Variants in PGAP2 observed in about 807,000 individuals in gnomAD.
PGAP2 encodes the protein acyltransferase PGAP2.
PGAP2 carries 21 observed loss-of-function variants against 33.2 expected under a neutral mutation model. The observed-to-expected ratio is 0.63, with a 90% CI of 0.45 to 0.91. PGAP2 has a LOEUF of 0.91. Ranked by LOEUF, PGAP2 falls within the 40% of genes least tolerant of loss-of-function variation. PGAP2 has a pLI of 0.00. For missense variants in PGAP2, 345 were observed against 424.0 expected (o/e 0.81, Z 1.64); for synonymous variants, 161 against 172.9 (o/e 0.93, Z 0.54).
At position 3,817,367 on chromosome 11, in the gene PGAP2, G is replaced by C; in HGVS notation, c.180G>C (p.Arg60Ser). ...GTGCTGCTTAGGCCACGCCCTGCAG[G>C]ATGTTCTCTGCGGCCTCCCAGCCTT... Reference protein sequence around the residue: ...TATHCGATPCRMFSAASQPLD... With the variant: ...TATHCGATPCSMFSAASQPLD... Residue 60 changes from arginine to serine, a missense_variant, in exon 3 of 7, where the codon AGG becomes AGC. Arg to Ser is a moderately radical substitution (Grantham distance 110). Coordinates refer to ENST00000278243, the MANE Select transcript of PGAP2 (RefSeq NM_014489.4). The C allele has an allele frequency of 6.2e-7, 1 of 1,613,324 alleles. No homozygotes were observed. The highest frequency in any genetic ancestry group is 8.5e-7 in the Non-Finnish European group (1 of 1,179,362).
chr11:3,804,620 T>C (rs1037902920), upstream of PGAP2, among the ~76,000 whole-genome samples: 1 of 152,208 alleles, frequency 6.6e-6, no homozygotes, highest in African/African-American at 2.4e-5. Context: ...ATACTGCCCA[T>C]TCTTCAAAAC....
chr11:3,807,179 C>T (rs189692605), upstream of PGAP2, among the ~76,000 whole-genome samples: 1 of 150,224 alleles, frequency 6.7e-6, no homozygotes, highest in African/African-American at 2.4e-5. Context: ...CTACTAAAAA[C>T]TACAAAAATT....
chr11:3,814,695 G>A (rs938553353), intron 2 of PGAP2, among the ~76,000 whole-genome samples: 10 of 151,534 alleles, frequency 6.6e-5, no homozygotes, highest in Non-Finnish European at 8.8e-5. Context: ...TTACAGGCTT[G>A]AGCCACTGTG....
rs184351548 is a variant in PGAP2, at chr11:3,814,959, G to T, written c.166-2394G>T. On this transcript the variant is annotated intron_variant, in intron 2 of 6. Transcript: ENST00000278243. ...TCCTTTCTTTTCTTTTCTTTTTGAG[G>T]CAGGGTCTTGCTCTGTTGCCCAGGC... Among the ~76,000 whole-genome samples, 159 of 134,494 alleles carry T rather than the reference G, an allele frequency of 1.2e-3. 1 individual carries two copies. The highest frequency in any genetic ancestry group is 2.3e-3 in the Admixed American group (28 of 12,218). 88.2% of individuals were successfully genotyped at this position (134,494 alleles called of 152,430 possible).
At chr11:3,808,387 C>G, upstream of PGAP2, 1 of 1,547,776 alleles carries the variant, frequency 6.5e-7, no homozygotes, top group Non-Finnish European at 8.7e-7. Flanking sequence ...TGCCCTCACG[C>G]AGCCGAAATT....
intron 5 of PGAP2, 138 bp downstream of exon 5, chr11:3,824,514 T>C (rs1293082865): frequency 2.3e-6 from 3 of 1,311,350 alleles, no homozygotes; most frequent in South Asian, 1.3e-5. Flanking sequence ...GGGTTGGGGC[T>C]GGGGCTTGGG....
At chr11:3,809,116 G>C (rs1350422182) in intron 1 of PGAP2, among the ~76,000 whole-genome samples, 1 of 152,188 alleles carries the variant, frequency 6.6e-6, no homozygotes, top group African/African-American at 2.4e-5. Flanking sequence ...TGTATATCAA[G>C]TACAGAGCAG....
At chr11:3,798,088 G>A (rs2082826193) in intron 1 of PGAP2, 1 of 1,496,500 alleles carries the variant, frequency 6.7e-7, no homozygotes. Flanking sequence ...GAGCCTGAGG[G>A]CCCTCTTGGA....
At position 3,803,004 on chromosome 11, in the gene PGAP2, TTC is replaced by T. The variant is rs1564972834; in HGVS notation, c.139+5024_139+5025del. On this transcript the variant is annotated intron_variant, in intron 1 of 6. Coordinates refer to the PGAP2 transcript ENST00000300730. The stretch of plus-strand genomic sequence containing the variant: ...ACCACACCCGGCTAATTTTTTTTTT[TTC>T]TTTTGGAGACAGAGTCTCACTCTGT... Among the ~76,000 whole-genome samples the T allele has an allele frequency of 9.5e-5, 14 of 147,030 alleles. 3 individuals carry two copies. Among genetic ancestry groups the T allele is most frequent in the East Asian group, 7.9e-4 (4 of 5,052 alleles).
chr11:3,808,121 C>T, upstream of PGAP2: 1 of 1,462,122 alleles, frequency 6.8e-7, no homozygotes, highest in Non-Finnish European at 9.1e-7. Context: ...TCCCCAACCG[C>T]CCTGACGAGC....
intron 5 of PGAP2, chr11:3,824,797 G>C: frequency 7.0e-7 from 1 of 1,432,258 alleles, no homozygotes; most frequent in Non-Finnish European, 9.1e-7. Flanking sequence ...CCCCTGAAGT[G>C]GAAGCGGCAG....
At chr11:3,809,212 G>A (rs1020329700) in intron 1 of PGAP2, among the ~76,000 whole-genome samples, 3 of 152,166 alleles carry the variant, frequency 2.0e-5, no homozygotes, top group East Asian at 3.9e-4. Flanking sequence ...AGCTGAGGTA[G>A]CTCCAAAGAA....
At chr11:3,819,323 G>A (rs1011859664) in intron 3 of PGAP2, among the ~76,000 whole-genome samples, 1 of 152,130 alleles carries the variant, frequency 6.6e-6, no homozygotes, top group African/African-American at 2.4e-5. Context: ...CAGCTTTAAG[G>A]TCAGGGGCAA....
chr11:3,804,200 A>G (rs1230834570), upstream of PGAP2, among the ~76,000 whole-genome samples: 1 of 152,120 alleles, frequency 6.6e-6, no homozygotes, highest in African/African-American at 2.4e-5. Flanking sequence ...CCAAAGTGTC[A>G]TGCTCATAAA....
At chr11:3,809,887 G>A (rs1055879419) in intron 1 of PGAP2, among the ~76,000 whole-genome samples, 1 of 152,226 alleles carries the variant, frequency 6.6e-6, no homozygotes, top group Non-Finnish European at 1.5e-5. Flanking sequence ...GGCTTGTTCT[G>A]GAATGCCAGG....
At chr11:3,819,567 T>C (rs1198688194) in intron 3 of PGAP2, among the ~76,000 whole-genome samples, 1 of 152,116 alleles carries the variant, frequency 6.6e-6, no homozygotes, top group African/African-American at 2.4e-5. Flanking sequence ...ATGAATCTTA[T>C]GGTGAAATCT....
Position 3,808,563 on chromosome 11 carries a change from C to A in PGAP2, c.-99C>A, listed in dbSNP as rs1027174959. The A allele has an allele frequency of 3.6e-6, 5 of 1,388,822 alleles. No homozygotes were observed. The highest frequency in any genetic ancestry group is 4.7e-6 in the Non-Finnish European group (5 of 1,072,416). The allele number at this position is 1,388,822 out of a possible 1,614,324, so 86.0% of individuals were successfully genotyped here. A position where few individuals can be genotyped will look rare whatever the true frequency, so the allele number is the denominator to read the frequency against. ...GAGCGCCGGCCCCGCCCCCGCCGTT[C>A]GCGCTCTGACCAGCCCGCAGAGCCA... On this transcript the variant is annotated 5_prime_UTR_variant, in exon 1 of 7. Coordinates refer to ENST00000278243, the MANE Select transcript of PGAP2 (RefSeq NM_014489.4).
intron 1 of PGAP2, among the ~76,000 whole-genome samples, chr11:3,799,603 G>A (rs982456464): frequency 6.6e-6 from 1 of 152,204 alleles, no homozygotes; most frequent in Non-Finnish European, 1.5e-5. Context: ...TACCTAAAAT[G>A]TAAATGAGTT....
chr11:3,824,974 C>CT, intron 5 of PGAP2, 46 bp from the exon 6 acceptor site: 1 of 1,612,814 alleles, frequency 6.2e-7, no homozygotes, highest in Non-Finnish European at 8.5e-7. Context: ...AGCCCACGCT[C>CT]TCATACCCAG....
Sources: gnomAD v4.1 joint callset for allele counts (sites outside exome capture counted in the v4.1 genomes callset) on GRCh38, gnomAD v4.1.1 for gene constraint, MANE v1.5 for transcripts, NCBI Gene and HGNC (gene_info 2026-07-23, HGNC 2026-07-21) for gene names.